CACNA1A: variants seen among roughly 807,000 people sequenced by gnomAD.
CACNA1A encodes the protein voltage-dependent P/Q-type calcium channel subunit alpha-1A.
In CACNA1A, 57 loss-of-function variants were observed where a neutral mutation model predicts 262.4. The ratio of observed to expected loss-of-function variants is 0.22; its 90% CI spans 0.18 to 0.27. The LOEUF is 0.27. CACNA1A is among the 10% of genes least tolerant of loss of function. The pLI, the probability that CACNA1A is intolerant of heterozygous loss-of-function variation, is 1.00. For missense variants in CACNA1A, 2,526 were observed against 3,562.8 expected (o/e 0.71, Z 7.41); for synonymous variants, 1,431 against 1,419.3 (o/e 1.01, Z -0.18).
rs923412087 is a variant in CACNA1A, at chr19:13,308,481, A to G, written c.1716T>C (p.Pro572=). 9 of 1,613,608 alleles carry G rather than the reference A, an allele frequency of 5.6e-6. No homozygotes were observed. The African/African-American group carries it at 8.0e-5, about 14-fold the overall frequency. Reference sequence around the variant, plus strand: ...ACACGCTGATTCCAAAGGATGTGCCAGGTTTTATGACAGCCCAGATGACCT... The same window carrying G: ...ACACGCTGATTCCAAAGGATGTGCCGGGTTTTATGACAGCCCAGATGACCT... The part of the protein sequence containing the change: ...IFEVIWAVIK[P]GTSFGISVLR... The change falls in exon 13 of 47, where the codon CCT becomes CCC. Residue 572 remains proline (P), a synonymous_variant. Transcript: ENST00000360228. The surrounding 1 kb of genome is among the most constrained non-coding windows in gnomAD (Gnocchi z 4.2).
At chr19:13,412,009 C>T (rs1243924092) in intron 3 of CACNA1A, among the ~76,000 whole-genome samples, 1 of 150,560 alleles carries the variant, frequency 6.6e-6, no homozygotes, top group Non-Finnish European at 1.5e-5. Flanking sequence ...ACCCACCGTG[C>T]CTGGCCTCTC....
chr19:13,241,849 G>A lies in CACNA1A; in HGVS notation c.4950+3333C>T, dbSNP rs2056090340. Among the ~76,000 whole-genome samples the A allele has an allele frequency of 6.6e-6, 1 of 152,180 alleles. No homozygotes were observed. The highest frequency in any genetic ancestry group is 6.5e-5 in the Admixed American group (1 of 15,278). The stretch of plus-strand genomic sequence containing the variant: ...ACAAGAAACACAGTCATTATCCATT[G>A]CACACAGGGCAAACCCACATCACCC... On this transcript the variant is annotated intron_variant, in intron 31 of 46. Coordinates refer to ENST00000360228, the MANE Select transcript of CACNA1A (RefSeq NM_001127222.2). The surrounding 1 kb of genome is among the most constrained non-coding windows in gnomAD (Gnocchi z 4.0).
intron 22 of CACNA1A, among the ~76,000 whole-genome samples, chr19:13,280,903 T>C (rs1250264705): frequency 2.3e-5 from 3 of 133,126 alleles, no homozygotes; most frequent in African/African-American, 8.7e-5. Flanking sequence ...ATTGCACCAC[T>C]GCACTCCAGC....
At chr19:13,242,381 G>A (rs999881036) in intron 31 of CACNA1A, among the ~76,000 whole-genome samples, 1 of 152,018 alleles carries the variant, frequency 6.6e-6, no homozygotes, top group Non-Finnish European at 1.5e-5. Context: ...ACAACCTCTC[G>A]CCTCCTGAGA....
At chr19:13,418,164 G>C (rs931938573) in intron 3 of CACNA1A, among the ~76,000 whole-genome samples, 1 of 152,134 alleles carries the variant, frequency 6.6e-6, no homozygotes, top group Non-Finnish European at 1.5e-5. Flanking sequence ...TGATTTCTCT[G>C]TGGTTTTCCC....
intron 3 of CACNA1A, among the ~76,000 whole-genome samples, chr19:13,420,672 A>T (rs1247235632): frequency 6.6e-6 from 1 of 152,170 alleles, no homozygotes; most frequent in Non-Finnish European, 1.5e-5. Context: ...AGCCTCCAGA[A>T]CTAAGAGAAA....
At chr19:13,385,007 C>T (rs368530155) in intron 3 of CACNA1A, among the ~76,000 whole-genome samples, 1 of 151,886 alleles carries the variant, frequency 6.6e-6, no homozygotes, top group African/African-American at 2.4e-5. Flanking sequence ...AGAGCTGCAC[C>T]GCCCAATAAA....
At chr19:13,332,443 G>A (rs1363090794) in intron 9 of CACNA1A, among the ~76,000 whole-genome samples, 5 of 151,904 alleles carry the variant, frequency 3.3e-5, no homozygotes, top group Admixed American at 6.6e-5. Flanking sequence ...GTTCTGTCTC[G>A]TTAAGTTTCT....
Position 13,399,289 on chromosome 19 carries a change from GA to G in CACNA1A, c.540-27511del, listed in dbSNP as rs1427726488. Reference sequence around the variant, plus strand: ...TTTTCTCCTCCATTAATTAAAATGTGAATCACAGCTGAGTCACTAAAGAAAA... The same window carrying G: ...TTTTCTCCTCCATTAATTAAAATGTGATCACAGCTGAGTCACTAAAGAAAA... On this transcript the variant is annotated intron_variant, in intron 3 of 46. Coordinates refer to ENST00000360228, the MANE Select transcript of CACNA1A (RefSeq NM_001127222.2). Among the ~76,000 whole-genome samples, 4 of 152,128 alleles carry G rather than the reference GA, an allele frequency of 2.6e-5. No homozygotes were observed. The East Asian group carries it at 7.7e-4, about 29-fold the overall frequency.
At chr19:13,404,189 T>TACACACACACACACAC (rs374169413) in intron 3 of CACNA1A, among the ~76,000 whole-genome samples, 1 of 150,854 alleles carries the variant, frequency 6.6e-6, no homozygotes, top group African/African-American at 2.4e-5. Flanking sequence ...TATACACATA[T>TACACACACACACACAC]ACACACACAC....
intron 24 of CACNA1A, chr19:13,271,438 C>T (rs1462517421): frequency 2.0e-5 from 3 of 152,088 alleles, no homozygotes; most frequent in Admixed American, 1.3e-4. Flanking sequence ...CCATGCTGGT[C>T]TTGGACCCCT....
chr19:13,352,403 C>CAGA, intron 6 of CACNA1A, among the ~76,000 whole-genome samples: 1 of 82,634 alleles, frequency 1.2e-5, no homozygotes, highest in Admixed American at 1.3e-4. Context: ...GACTCCATCT[C>CAGA]AAAAAAAAAA....
chr19:13,337,976 T>G (rs969294753), intron 6 of CACNA1A, among the ~76,000 whole-genome samples: 2 of 152,124 alleles, frequency 1.3e-5, no homozygotes, highest in African/African-American at 4.8e-5. Context: ...TCCCAGCACT[T>G]TGGGAGGCCG....
At chr19:13,409,085 T>C (rs2060063349) in intron 3 of CACNA1A, among the ~76,000 whole-genome samples, 1 of 152,200 alleles carries the variant, frequency 6.6e-6, no homozygotes, top group Admixed American at 6.5e-5. Flanking sequence ...ATTCACGCCA[T>C]CTCCAGGGTT....
intron 19 of CACNA1A, among the ~76,000 whole-genome samples, chr19:13,295,885 C>A (rs887837317): frequency 2.0e-5 from 3 of 152,126 alleles, no homozygotes; most frequent in African/African-American, 7.2e-5. Context: ...TCCTGCAATG[C>A]AACTATTAAA....
intron 3 of CACNA1A, among the ~76,000 whole-genome samples, chr19:13,393,691 C>A (rs755782973): frequency 5.6e-4 from 43 of 77,034 alleles, no homozygotes; most frequent in South Asian, 3.8e-3. Context: ...CTTTCCTTTT[C>A]TTTCTTTACC....
intron 1 of CACNA1A, among the ~76,000 whole-genome samples, chr19:13,482,342 G>C (rs577849089): frequency 6.6e-6 from 1 of 152,160 alleles, no homozygotes; most frequent in South Asian, 2.1e-4. Context: ...AACTAGCCGG[G>C]CGTGGTGGTG....
chr19:13,409,214 T>G (rs554048649), intron 3 of CACNA1A, among the ~76,000 whole-genome samples: 51 of 152,108 alleles, frequency 3.4e-4, no homozygotes, highest in Non-Finnish European at 6.0e-4. Context: ...ACGGATGACA[T>G]TGTGATAGGG....
At chr19:13,363,558 C>T (rs2059152118) in intron 5 of CACNA1A, 1 of 151,728 alleles carries the variant, frequency 6.6e-6, no homozygotes, top group Non-Finnish European at 1.5e-5. Context: ...GCAAATAAAC[C>T]TTCCCCAGTG....
Sources: gnomAD v4.1 joint callset for allele counts (sites outside exome capture counted in the v4.1 genomes callset) on GRCh38, gnomAD v4.1.1 for gene constraint, Gnocchi (gnomAD v3.1) non-coding constraint, MANE v1.5 for transcripts, NCBI Gene and HGNC (gene_info 2026-07-23, HGNC 2026-07-21) for gene names.